The following CALD1 variants were observed in gnomAD, a reference collection of about 807,000 sequenced individuals.
The protein encoded by CALD1 is caldesmon.
CALD1 carries 33 observed loss-of-function variants against 99.9 expected under a neutral mutation model. That is an observed-to-expected ratio of 0.33 (90% CI 0.25 to 0.44). The LOEUF (loss-of-function observed/expected upper bound fraction) is 0.44, where lower values mean the gene tolerates loss of function less well. CALD1 is among the 20% of genes least tolerant of loss of function. The pLI, the probability that CALD1 is intolerant of heterozygous loss-of-function variation, is 1.00. For missense variants in CALD1, 861 were observed against 962.1 expected, an observed-to-expected ratio of 0.89 and a Z score of 1.39; for synonymous variants, 310 against 325.0, an observed-to-expected ratio of 0.95 and a Z score of 0.50.
chr7:134,929,464 G>T (rs1805321512), intron 4 of CALD1, among the ~76,000 whole-genome samples: 2 of 150,494 alleles, frequency 1.3e-5, no homozygotes, highest in African/African-American at 2.4e-5. Flanking sequence ...TCATAGCTTA[G>T]CTCCCACTTG....
chr7:134,941,176 G>T lies in CALD1; in HGVS notation c.1471G>T (p.Val491Phe), dbSNP rs752394111. Reference protein sequence around the residue: ...FMDRKKGFTEVKSQNGEFMTH... With the variant: ...FMDRKKGFTEFKSQNGEFMTH... ...GGATCGAAAGAAGGGATTTACAGAA[G>T]TTAAGTCGCAGAATGGAGAATTCAT... is the stretch of plus-strand genomic sequence containing the variant. Residue 491 changes from valine to phenylalanine, a missense_variant, in exon 7 of 15, where the codon GTT (valine) becomes TTT (phenylalanine). Transcript: ENST00000361675. 6.2e-7 allele frequency: 1 copy of T among 1,613,102 alleles called. No homozygotes were observed. The highest frequency in any genetic ancestry group is 1.7e-5 in the Admixed American group (1 of 59,870).
intron 2 of CALD1, among the ~76,000 whole-genome samples, chr7:134,867,322 TTCC>T (rs1301754295): frequency 6.6e-6 from 1 of 152,202 alleles, no homozygotes; most frequent in South Asian, 2.1e-4. Flanking sequence ...CATTCCTGTT[TTCC>T]TCCTCCTTTG....
intron 3 of CALD1, 115 bp downstream of exon 3, chr7:134,867,919 C>T (rs762848700): frequency 8.3e-6 from 4 of 479,570 alleles, no homozygotes; most frequent in South Asian, 5.3e-5. Context: ...CCAAACTGTT[C>T]GCAAAAGTAG....
intron 3 of CALD1, chr7:134,891,701 T>C: frequency 6.9e-7 from 1 of 1,439,000 alleles, no homozygotes; most frequent in Non-Finnish European, 9.4e-7. Context: ...CTCTTTGGTT[T>C]TTTCCTTTCT....
chr7:134,857,494 C>T (rs1160980020), intron 2 of CALD1, among the ~76,000 whole-genome samples: 2 of 152,002 alleles, frequency 1.3e-5, no homozygotes, highest in African/African-American at 2.4e-5. Context: ...CAACTGTGAG[C>T]CATTCCCTAC....
At chr7:134,945,208 A>G (rs10225390) in intron 7 of CALD1, among the ~76,000 whole-genome samples, 34,326 of 152,002 alleles carry the variant, frequency 0.23, 4,148 homozygotes, top group East Asian at 0.34. Flanking sequence ...TTACTTACAT[A>G]AAAACGTACC....
intron 1 of CALD1, among the ~76,000 whole-genome samples, chr7:134,812,024 T>C (rs1798370183): frequency 6.6e-6 from 1 of 152,190 alleles, no homozygotes; most frequent in Admixed American, 6.5e-5. Context: ...ATGATTTAAA[T>C]ATCCACTCGG....
the CALD1 span, among the ~76,000 whole-genome samples, chr7:134,726,370 C>A: frequency 2.1e-5 from 3 of 144,758 alleles, no homozygotes; most frequent in Non-Finnish European, 4.5e-5. Flanking sequence ...ATGTATATAA[C>A]TTAATATAAT....
intron 1 of CALD1, among the ~76,000 whole-genome samples, chr7:134,752,556 A>G (rs1338810339): frequency 6.6e-6 from 1 of 152,200 alleles, no homozygotes; most frequent in East Asian, 1.9e-4. Flanking sequence ...GTGTCCATGC[A>G]TGTACAGAGT....
chr7:134,881,054 G>A (rs1379898979), intron 3 of CALD1, among the ~76,000 whole-genome samples: 4 of 152,142 alleles, frequency 2.6e-5, no homozygotes, highest in South Asian at 2.1e-4. Context: ...AGACATATGC[G>A]CTTCAGAAAG....
chr7:134,891,710 C>A, intron 3 of CALD1: 10 of 970,738 alleles, frequency 1.0e-5, no homozygotes, highest in Non-Finnish European at 1.4e-5. Flanking sequence ...TTTTTCCTTT[C>A]TTTTTTTTTT....
chr7:134,777,234 T>C (rs1265126560), upstream of CALD1, among the ~76,000 whole-genome samples: 1 of 152,208 alleles, frequency 6.6e-6, no homozygotes, highest in African/African-American at 2.4e-5. Flanking sequence ...TTCAATATCA[T>C]GGTACACACT....
chr7:134,764,315 G>T (rs911965411), intron 1 of CALD1, among the ~76,000 whole-genome samples: 1 of 152,086 alleles, frequency 6.6e-6, no homozygotes, highest in Non-Finnish European at 1.5e-5. Context: ...TTTTGTCAAG[G>T]TACCTTCATA....
chr7:134,863,782 T>C (rs1800668788), intron 2 of CALD1, among the ~76,000 whole-genome samples: 1 of 152,174 alleles, frequency 6.6e-6, no homozygotes, highest in Non-Finnish European at 1.5e-5. Flanking sequence ...GAGCCATAAA[T>C]TGATTTTAAT....
At chr7:134,940,096 A>G (rs778883252) in intron 6 of CALD1, among the ~76,000 whole-genome samples, 3 of 152,160 alleles carry the variant, frequency 2.0e-5, no homozygotes, top group East Asian at 3.8e-4. Context: ...CTTATGGCCT[A>G]CCTTTCCTCT....
chr7:134,872,715 T>A (rs1440853334), intron 3 of CALD1, among the ~76,000 whole-genome samples: 1 of 152,194 alleles, frequency 6.6e-6, no homozygotes, highest in Non-Finnish European at 1.5e-5. Context: ...CAGAATGGAA[T>A]GAGCAGTAAT....
chr7:134,864,495 TTCAA>T (rs1800714729), intron 2 of CALD1, among the ~76,000 whole-genome samples: 1 of 150,558 alleles, frequency 6.6e-6, no homozygotes, highest in African/African-American at 2.5e-5. Context: ...ACCTCACGAG[TTCAA>T]GTGATTCTCC....
the CALD1 span, among the ~76,000 whole-genome samples, chr7:134,725,863 G>GCA: frequency 6.6e-6 from 1 of 152,172 alleles, no homozygotes; most frequent in Non-Finnish European, 1.5e-5. Context: ...AAAGACAGAG[G>GCA]CACATTGGAG....
chr7:134,795,047 A>G (rs1361628888), intron 1 of CALD1, among the ~76,000 whole-genome samples: 2 of 152,252 alleles, frequency 1.3e-5, no homozygotes, highest in African/African-American at 4.8e-5. Flanking sequence ...AATACTTGAC[A>G]GAATGGCACT....
Sources: allele counts gnomAD v4.1 joint callset (sites outside exome capture counted in the v4.1 genomes callset), GRCh38; gene constraint gnomAD v4.1.1; transcripts MANE v1.5; gene names NCBI Gene and HGNC (gene_info 2026-07-23, HGNC 2026-07-21).